The following RYR3 variants were observed in gnomAD, a reference collection of about 807,000 sequenced individuals.
RYR3 encodes the protein brain ryanodine receptor-calcium release channel.
A neutral mutation model predicts 584.3 loss-of-function variants in RYR3; 207 were observed. The observed-to-expected ratio is 0.35, with a 90% CI of 0.32 to 0.40. The LOEUF (loss-of-function observed/expected upper bound fraction) is 0.40, where lower values mean the gene tolerates loss of function less well. Among genes scored for constraint, RYR3 ranks in the 10% least tolerant of loss-of-function variants. The pLI is 1.00. For synonymous variants in RYR3, 2,416 were observed against 2,248.5 expected (o/e 1.07, Z -2.11); for missense variants, 5,616 against 6,089.2 (o/e 0.92, Z 2.59).
intron 86 of RYR3, among the ~76,000 whole-genome samples, chr15:33,833,722 A>G (rs965420589): frequency 2.6e-5 from 4 of 152,208 alleles, no homozygotes; most frequent in Non-Finnish European, 4.4e-5. Flanking sequence ...TTACAGAAAG[A>G]ATCTAATGGT....
At chr15:33,572,817 A>C (rs1304691638) in intron 12 of RYR3, among the ~76,000 whole-genome samples, 2 of 151,966 alleles carry the variant, frequency 1.3e-5, no homozygotes, top group African/African-American at 4.8e-5. Flanking sequence ...TTTACTAAAA[A>C]TACAAAAATA....
chr15:33,702,134 C>T (rs531898361), intron 42 of RYR3, among the ~76,000 whole-genome samples: 2 of 152,234 alleles, frequency 1.3e-5, no homozygotes, highest in Admixed American at 6.5e-5. Flanking sequence ...GTGGCATCCT[C>T]AGTGTCATGC....
intron 2 of RYR3, among the ~76,000 whole-genome samples, chr15:33,496,282 C>T (rs1355529918): frequency 6.6e-6 from 1 of 152,198 alleles, no homozygotes; most frequent in Non-Finnish European, 1.5e-5. Flanking sequence ...TCATCTCCAC[C>T]TTCTACCAGC....
At position 33,638,113 on chromosome 15, in the gene RYR3, G is replaced by A. The variant is rs1438875965; in HGVS notation, c.3556+1563G>A. ...AAAAGACAAATGACTAAAGTCAAATGGAGTCATATTTTAATGCCTTCCAAA... is the reference window on the plus strand; with the variant it reads ...AAAAGACAAATGACTAAAGTCAAATAGAGTCATATTTTAATGCCTTCCAAA... On this transcript the variant is annotated intron_variant, in intron 27 of 103. Transcript: ENST00000634891. 2.0e-5 allele frequency among the ~76,000 whole-genome samples: 3 copies of A among 152,096 alleles called. No individual in the cohort carries two copies. In the East Asian group the frequency reaches 5.8e-4, roughly 29 times the overall value.
intron 48 of RYR3, among the ~76,000 whole-genome samples, chr15:33,735,409 C>T (rs1199136948): frequency 6.6e-6 from 1 of 152,186 alleles, no homozygotes; most frequent in Non-Finnish European, 1.5e-5. Context: ...CCAAGGATTT[C>T]TTCCCTGGCA....
chr15:33,606,161 CT>C (rs1003400974), intron 18 of RYR3, among the ~76,000 whole-genome samples: 1 of 151,968 alleles, frequency 6.6e-6, no homozygotes, highest in African/African-American at 2.4e-5. Flanking sequence ...CTTAATGTTT[CT>C]TTTTTTTATA....
At chr15:33,709,412 G>C (rs4780160) in intron 43 of RYR3, among the ~76,000 whole-genome samples, 12,263 of 152,250 alleles carry the variant, frequency 0.081, 1,066 homozygotes, top group African/African-American at 0.22. Flanking sequence ...TACAGTAGCT[G>C]AAAGGCTAAA....
In RYR3 at chr15:33,425,806, TA is replaced by T. The variant is rs530061848; in HGVS notation, c.52-47611del. Reference sequence around the variant, plus strand: ...ACAGGCGCCCGCCACCACACCCGGCTAATTTTTTTGTATTTTTAGTAGAGAC... The same window carrying T: ...ACAGGCGCCCGCCACCACACCCGGCTATTTTTTTGTATTTTTAGTAGAGAC... On this transcript the variant is annotated intron_variant, in intron 1 of 103. Transcript: ENST00000634891. Among the ~76,000 whole-genome samples the T allele has an allele frequency of 6.4e-3, 977 of 151,892 alleles. 4 individuals carry two copies. The highest frequency in any genetic ancestry group is 0.011 in the Non-Finnish European group (725 of 67,960).
intron 53 of RYR3, among the ~76,000 whole-genome samples, chr15:33,746,999 C>T (rs1442462027): frequency 6.6e-6 from 1 of 150,860 alleles, no homozygotes; most frequent in Non-Finnish European, 1.5e-5. Flanking sequence ...TTAGCAGAGA[C>T]GGGGTTTCGC....
intron 1 of RYR3, among the ~76,000 whole-genome samples, chr15:33,453,981 G>A (rs2047341950): frequency 6.6e-6 from 1 of 152,158 alleles, no homozygotes; most frequent in African/African-American, 2.4e-5. Context: ...TTCTTGCCAG[G>A]TTGAGGCTTG....
At chr15:33,579,521 A>AT (rs199865514) in intron 12 of RYR3, among the ~76,000 whole-genome samples, 18 of 152,134 alleles carry the variant, frequency 1.2e-4, no homozygotes, top group African/African-American at 4.3e-4. Context: ...AAATGTTTTT[A>AT]TTTTAAAAAA....
intron 20 of RYR3, among the ~76,000 whole-genome samples, chr15:33,625,797 T>C (rs569004388): frequency 4.6e-5 from 7 of 152,316 alleles, no homozygotes; most frequent in African/African-American, 1.7e-4. Context: ...TGTTTAGGTG[T>C]GATGCTGACC....
At chr15:33,695,673 G>T (rs2065791572) in intron 38 of RYR3, among the ~76,000 whole-genome samples, 1 of 151,930 alleles carries the variant, frequency 6.6e-6, no homozygotes, top group Non-Finnish European at 1.5e-5. Context: ...AGAATAGTTA[G>T]CACCCTCAAC....
chr15:33,344,225 C>T (rs573977405), intron 1 of RYR3, among the ~76,000 whole-genome samples: 1 of 152,310 alleles, frequency 6.6e-6, no homozygotes, highest in South Asian at 2.1e-4. Flanking sequence ...AAAATGGAAA[C>T]TCTCTTGCTG....
intron 10 of RYR3, among the ~76,000 whole-genome samples, chr15:33,553,742 T>G (rs1013182927): frequency 1.1e-4 from 17 of 152,176 alleles, no homozygotes; most frequent in Admixed American, 8.5e-4. Flanking sequence ...GAGAGTGGTG[T>G]TGTGTAAGAC....
At chr15:33,723,376 A>G (rs1567026398) in intron 44 of RYR3, among the ~76,000 whole-genome samples, 1 of 151,806 alleles carries the variant, frequency 6.6e-6, no homozygotes, top group Non-Finnish European at 1.5e-5. Context: ...AAATAAATAA[A>G]CCAGCTGCAA....
At chr15:33,400,722 C>G (rs1447745787) in intron 1 of RYR3, among the ~76,000 whole-genome samples, 3 of 152,168 alleles carry the variant, frequency 2.0e-5, no homozygotes, top group Non-Finnish European at 4.4e-5. Context: ...AGCAAGATGC[C>G]TGAGTTGGCT....
intron 8 of RYR3, among the ~76,000 whole-genome samples, chr15:33,544,872 T>TA (rs2056119873): frequency 8.5e-6 from 1 of 117,214 alleles, no homozygotes; most frequent in Non-Finnish European, 2.0e-5. Flanking sequence ...GGTTGATAGT[T>TA]ATCTCGATTA....
chr15:33,371,307 T>A (rs1446164478), intron 1 of RYR3, among the ~76,000 whole-genome samples: 1 of 152,156 alleles, frequency 6.6e-6, no homozygotes, highest in Non-Finnish European at 1.5e-5. Context: ...AGCCTTCAGC[T>A]CCAAAGCATA....
Sources: allele counts gnomAD v4.1 joint callset (sites outside exome capture counted in the v4.1 genomes callset), GRCh38; gene constraint gnomAD v4.1.1; transcripts MANE v1.5; gene names NCBI Gene and HGNC (gene_info 2026-07-23, HGNC 2026-07-21).